Variants in CREBRF observed in about 807,000 individuals in gnomAD.
The protein encoded by CREBRF is UPF0474 protein C5orf41.
Under a neutral mutation model 66.1 loss-of-function variants are expected in CREBRF, and 5 were observed. The observed-to-expected ratio is 0.08, with a 90% CI of 0.04 to 0.16. CREBRF has a LOEUF of 0.16. Among genes scored for constraint, CREBRF ranks in the 10% least tolerant of loss-of-function variants. CREBRF has a pLI of 1.00. For synonymous variants in CREBRF, 229 were observed against 264.4 expected, an observed-to-expected ratio of 0.87 and a Z score of 1.30; for missense variants, 531 against 744.9, an observed-to-expected ratio of 0.71 and a Z score of 3.34.
At chr5:173,062,787 G>A (rs565409142) in intron 1 of CREBRF, among the ~76,000 whole-genome samples, 9 of 133,418 alleles carry the variant, frequency 6.7e-5, no homozygotes, top group Admixed American at 2.6e-4. Context: ...TTGCTCTGTC[G>A]CCCAGGCTGG....
intron 3 of CREBRF, among the ~76,000 whole-genome samples, chr5:173,087,161 G>C (rs927930921): frequency 2.6e-4 from 40 of 152,158 alleles, no homozygotes; most frequent in African/African-American, 9.4e-4. Flanking sequence ...TGGCCAGGCT[G>C]GTCTCGAACT....
At chr5:173,064,658 G>C (rs1228258548) in intron 1 of CREBRF, among the ~76,000 whole-genome samples, 4 of 149,300 alleles carry the variant, frequency 2.7e-5, no homozygotes, top group Non-Finnish European at 3.0e-5. Flanking sequence ...TCCACCTCCC[G>C]GGTTCAAGCG....
rs148072304 is a variant in CREBRF, at chr5:173,067,531, A to G, written c.-192+11052A>G. Among the ~76,000 whole-genome samples the G allele has an allele frequency of 5.9e-3, 899 of 152,260 alleles. 13 individuals carry two copies. The highest frequency in any genetic ancestry group is 0.02 in the African/African-American group (837 of 41,552). On this transcript the variant is annotated intron_variant, in intron 1 of 8. Coordinates refer to ENST00000296953, the MANE Select transcript of CREBRF (RefSeq NM_153607.3). Reference sequence around the variant, plus strand: ...ATGTCAGATCTAATTTTTTCCCCCAAAAGAGTGGTATTTGAGATCAGACAT... The same window carrying G: ...ATGTCAGATCTAATTTTTTCCCCCAGAAGAGTGGTATTTGAGATCAGACAT...
chr5:173,110,471 C>A, intron 5 of CREBRF, 51 bp from the exon 6 acceptor site: 1 of 1,339,076 alleles, frequency 7.5e-7, no homozygotes, highest in Non-Finnish European at 1.1e-6. Context: ...AAAAACGTGT[C>A]TCTTGTTAAT....
At chr5:173,115,344 T>A (rs1414626550) in intron 7 of CREBRF, among the ~76,000 whole-genome samples, 2 of 152,090 alleles carry the variant, frequency 1.3e-5, no homozygotes, top group African/African-American at 4.8e-5. Flanking sequence ...CGACCTCAGG[T>A]AATCTGCCTG....
At chr5:173,106,195 C>T (rs545002716) in intron 4 of CREBRF, among the ~76,000 whole-genome samples, 135 of 150,894 alleles carry the variant, frequency 8.9e-4, no homozygotes, top group South Asian at 3.4e-3. Flanking sequence ...TTTGGGAGGC[C>T]GTGGCGGGTG....
At chr5:173,108,369 A>G (rs1051179680) in intron 4 of CREBRF, among the ~76,000 whole-genome samples, 1 of 152,192 alleles carries the variant, frequency 6.6e-6, no homozygotes, top group Non-Finnish European at 1.5e-5. Flanking sequence ...ATACTAACTT[A>G]TAAAAACTAA....
chr5:173,086,720 G>A (rs1758159812), intron 3 of CREBRF, 94 bp downstream of exon 3: 3 of 1,083,910 alleles, frequency 2.8e-6, no homozygotes, highest in Non-Finnish European at 3.9e-6. Context: ...AAAAAAAGAT[G>A]TGCTTGGGCC....
chr5:173,126,101 C>A (rs970727288), intron 8 of CREBRF, among the ~76,000 whole-genome samples: 4 of 152,104 alleles, frequency 2.6e-5, no homozygotes, highest in African/African-American at 9.7e-5. Flanking sequence ...TGTTTCATAT[C>A]TTTAGTTCCT....
At chr5:173,096,180 A>G (rs373360494) in intron 4 of CREBRF, among the ~76,000 whole-genome samples, 2 of 152,086 alleles carry the variant, frequency 1.3e-5, no homozygotes, top group African/African-American at 4.8e-5. Context: ...TGTGTTAGCC[A>G]GGATGGTCTC....
At chr5:173,058,426 T>C (rs1025093844) in intron 1 of CREBRF, among the ~76,000 whole-genome samples, 3 of 152,190 alleles carry the variant, frequency 2.0e-5, no homozygotes, top group Admixed American at 1.3e-4. Flanking sequence ...AGAATTTGCA[T>C]TATCTTCTAT....
At chr5:173,092,461 T>A in intron 4 of CREBRF, 2 of 973,252 alleles carry the variant, frequency 2.1e-6, no homozygotes, top group Non-Finnish European at 2.4e-6. Context: ...GTGCAGTTTA[T>A]TTATAAAAAT....
chr5:173,108,110 G>A (rs1238839118), intron 4 of CREBRF, among the ~76,000 whole-genome samples: 6 of 151,064 alleles, frequency 4.0e-5, no homozygotes, highest in Non-Finnish European at 5.9e-5. Context: ...GGGATTACAG[G>A]TGTGAGCCAC....
chr5:173,056,773 G>A (rs1359401457), intron 1 of CREBRF, among the ~76,000 whole-genome samples: 2 of 152,038 alleles, frequency 1.3e-5, no homozygotes, highest in African/African-American at 4.8e-5. Flanking sequence ...CTAGGCCGGG[G>A]ATGGGCAGCG....
chr5:173,123,571 T>G (rs747992584), intron 8 of CREBRF: 58 of 218,416 alleles, frequency 2.7e-4, no homozygotes, highest in Admixed American at 1.9e-4. Context: ...TCCCACAAAC[T>G]TGGCTCTCTG....
intron 6 of CREBRF, among the ~76,000 whole-genome samples, chr5:173,111,473 C>T (rs1008649335): frequency 6.6e-6 from 1 of 152,124 alleles, no homozygotes; most frequent in Non-Finnish European, 1.5e-5. Flanking sequence ...CACCATGTTG[C>T]CCAGGCCTCC....
At chr5:173,071,191 T>C (rs1757589947) in intron 1 of CREBRF, among the ~76,000 whole-genome samples, 1 of 151,858 alleles carries the variant, frequency 6.6e-6, no homozygotes, top group Non-Finnish European at 1.5e-5. Context: ...GTTGGAAAGA[T>C]AGTGTCATTG....
chr5:173,093,187 G>A (rs1758392281), intron 4 of CREBRF, among the ~76,000 whole-genome samples: 1 of 152,106 alleles, frequency 6.6e-6, no homozygotes, highest in South Asian at 2.1e-4. Flanking sequence ...TGTGGGGAAG[G>A]AAATGCCTTT....
chr5:173,076,762 A>AT, intron 1 of CREBRF, among the ~76,000 whole-genome samples: 1 of 151,542 alleles, frequency 6.6e-6, no homozygotes, highest in African/African-American at 2.4e-5. Flanking sequence ...AAAAAAAAAA[A>AT]AAAAAAGAGA....
Sources: gnomAD v4.1 joint callset for allele counts (sites outside exome capture counted in the v4.1 genomes callset) on GRCh38, gnomAD v4.1.1 for gene constraint, MANE v1.5 for transcripts, NCBI Gene and HGNC (gene_info 2026-07-23, HGNC 2026-07-21) for gene names.